The following ACSL1 variants were observed in gnomAD, a reference collection of about 807,000 sequenced individuals.
The protein encoded by ACSL1 is acyl-CoA synthetase long chain family member 1.
A neutral mutation model predicts 98.4 loss-of-function variants in ACSL1; 41 were observed. That is an observed-to-expected ratio of 0.42 (90% CI 0.32 to 0.54). ACSL1 has a LOEUF of 0.54. Among genes scored for constraint, ACSL1 ranks in the 20% least tolerant of loss-of-function variants. The pLI, the probability that ACSL1 is intolerant of heterozygous loss-of-function variation, is 0.13. For synonymous variants in ACSL1, 316 were observed against 322.7 expected, an observed-to-expected ratio of 0.98 and a Z score of 0.22; for missense variants, 734 against 883.1, an observed-to-expected ratio of 0.83 and a Z score of 2.14.
At chr4:184,798,427 A>G (rs1220049305) in intron 2 of ACSL1, 1 of 153,102 alleles carries the variant, frequency 6.5e-6, no homozygotes, top group South Asian at 2.1e-4. Flanking sequence ...TAATTTGACA[A>G]GTCAGTCATC....
At chr4:184,811,306 G>GA (rs1228096844) in intron 1 of ACSL1, among the ~76,000 whole-genome samples, 2 of 151,934 alleles carry the variant, frequency 1.3e-5, no homozygotes, top group African/African-American at 4.8e-5. Context: ...TAGAGACGGG[G>GA]TTTCACCGTG....
chr4:184,812,306 C>A (rs923081762), intron 1 of ACSL1: 49 of 869,606 alleles, frequency 5.6e-5, no homozygotes, highest in Non-Finnish European at 6.6e-5. Context: ...TCATGAATGA[C>A]CCTCTGTGAT....
intron 1 of ACSL1, chr4:184,813,578 C>T (rs181081264): frequency 3.5e-4 from 87 of 249,066 alleles, no homozygotes; most frequent in African/African-American, 1.7e-3. Context: ...TCTCTATGAC[C>T]GCAAGTTGAA....
chr4:184,776,658 T>C lies in ACSL1; in HGVS notation c.582A>G (p.Glu194=), dbSNP rs1471895421. 4.3e-6 allele frequency: 7 copies of C among 1,609,854 alleles called. No individual in the cohort carries two copies. Among genetic ancestry groups the C allele is most frequent in the South Asian group, 1.1e-5 (1 of 90,996 alleles). Reference sequence around the variant, plus strand: ...GCTTGTCAACAAAAACCAGAGAGAGTTCAGCTGTAAATGAAGAGATACAAT... The same window carrying C: ...GCTTGTCAACAAAAACCAGAGAGAGCTCAGCTGTAAATGAAGAGATACAAT... ...EAITYIVNKA[E]LSLVFVDKPE... The change falls in exon 7 of 21, where the codon GAA becomes GAG. Residue 194 remains glutamate, a synonymous_variant. Transcript: ENST00000281455.
chr4:184,762,996 G>C (rs1485171398), intron 16 of ACSL1, among the ~76,000 whole-genome samples, 171 bp downstream of exon 16: 1 of 152,086 alleles, frequency 6.6e-6, no homozygotes, highest in Non-Finnish European at 1.5e-5. Flanking sequence ...CCCACTCCCC[G>C]AGAGCTGAAC....
At chr4:184,820,947 G>A (rs1043869522) in intron 1 of ACSL1, 3 of 445,862 alleles carry the variant, frequency 6.7e-6, no homozygotes, top group South Asian at 1.6e-5. Context: ...GTAGAGCCCA[G>A]CAATTAGGAG....
Position 184,756,404 on chromosome 4 carries a change from G to C in ACSL1, c.*721C>G, listed in dbSNP as rs1561163833. Reference sequence around the variant, plus strand: ...ATCAGGCCTGGAGAACCGAGTCCAAGAGCATTCTGCCATGAAAGAGAATCC... The same window carrying C: ...ATCAGGCCTGGAGAACCGAGTCCAACAGCATTCTGCCATGAAAGAGAATCC... On this transcript the variant is annotated 3_prime_UTR_variant, in exon 21 of 21. Transcript: ENST00000281455. 1 of 152,610 alleles carries C rather than the reference G, an allele frequency of 6.6e-6. No individual in the cohort carries two copies. Among genetic ancestry groups the C allele is most frequent in the Non-Finnish European group, 1.5e-5 (1 of 68,032 alleles). 9.5% of individuals were successfully genotyped at this position (152,610 alleles called of 1,614,324 possible).
At chr4:184,760,739 G>A (rs528219651) in intron 17 of ACSL1, among the ~76,000 whole-genome samples, 38 of 152,282 alleles carry the variant, frequency 2.5e-4, no homozygotes, top group African/African-American at 8.7e-4. Context: ...CCTAGAGCCC[G>A]TGCTTATTCA....
At chr4:184,787,969 T>C (rs2150376651) in intron 3 of ACSL1, among the ~76,000 whole-genome samples, 1 of 152,084 alleles carries the variant, frequency 6.6e-6, no homozygotes, top group South Asian at 2.1e-4. Context: ...GAAGTTTGAG[T>C]CCAGCCTGGG....
At chr4:184,771,777 G>A (rs915387981) in intron 10 of ACSL1, among the ~76,000 whole-genome samples, 1 of 152,106 alleles carries the variant, frequency 6.6e-6, no homozygotes. Context: ...TCCTAAAGCT[G>A]GGTCACCCTT....
At chr4:184,816,128 A>G (rs1772612904) in intron 1 of ACSL1, among the ~76,000 whole-genome samples, 1 of 152,092 alleles carries the variant, frequency 6.6e-6, no homozygotes, top group African/African-American at 2.4e-5. Context: ...AAGAAAAAAA[A>G]AAAAGCAGAC....
At chr4:184,783,756 C>T (rs536958857) in intron 4 of ACSL1, among the ~76,000 whole-genome samples, 171 bp downstream of exon 4, 3 of 152,328 alleles carry the variant, frequency 2.0e-5, no homozygotes, top group Non-Finnish European at 4.4e-5. Flanking sequence ...TTAACTTGTT[C>T]TCCCCAAACC....
At position 184,757,034 on chromosome 4, in the gene ACSL1, C is replaced by G; in HGVS notation, c.*91G>C. The stretch of plus-strand genomic sequence containing the variant: ...AAACACGAACGCTTCCTTCCCTACA[C>G]TTGCTGTATTCAAAATTAACAACAT... On this transcript the variant is annotated 3_prime_UTR_variant, in exon 21 of 21. Coordinates refer to ENST00000281455, the MANE Select transcript of ACSL1 (RefSeq NM_001995.5). The surrounding 1 kb of genome is among the most constrained non-coding windows in gnomAD (Gnocchi z 4.5). 7.0e-7 allele frequency: 1 copy of G among 1,431,250 alleles called. No individual in the cohort carries two copies. The allele number at this position is 1,431,250 out of a possible 1,614,324, so 88.7% of individuals were successfully genotyped here.
intron 5 of ACSL1, among the ~76,000 whole-genome samples, 171 bp downstream of exon 5, chr4:184,780,161 T>C (rs1441086564): frequency 6.6e-6 from 1 of 152,150 alleles, no homozygotes; most frequent in Non-Finnish European, 1.5e-5. Context: ...CGTGAGCCAC[T>C]GTGCCCAGCG....
chr4:184,772,799 T>C (rs1311809336), intron 10 of ACSL1, among the ~76,000 whole-genome samples: 1 of 152,218 alleles, frequency 6.6e-6, no homozygotes, highest in Non-Finnish European at 1.5e-5. Context: ...TTCTTGGACA[T>C]GTTTCTAGGG....
chr4:184,826,087 C>CCGGCCCCACCCTCCCG, upstream of ACSL1: 1 of 144,852 alleles, frequency 6.9e-6, no homozygotes, highest in East Asian at 2.1e-4. Flanking sequence ...GCTCGCCGCG[C>CCGGCCCCACCCTCCCG]CGGCCCCGCC....
intron 5 of ACSL1, among the ~76,000 whole-genome samples, chr4:184,778,707 T>C (rs1001897874): frequency 6.6e-6 from 1 of 152,144 alleles, no homozygotes; most frequent in Non-Finnish European, 1.5e-5. Flanking sequence ...GTCTGACATA[T>C]AGTGGGTGCT....
Position 184,757,650 on chromosome 4 carries a change from C to G in ACSL1, c.1941G>C (p.Leu647=). The change falls in exon 20 of 21, where the codon CTG becomes CTC. Residue 647 remains leucine (L), a synonymous_variant. Transcript: ENST00000281455. This position sits in a 1 kb window ranked among gnomAD's most constrained non-coding sequence, Gnocchi z 4.5. The part of the protein sequence containing the change: ...DMVRLGKDSG[L]KPFEQVKGIT... ...AAGGTCATACCTGTTCAAATGGTTT[C>G]AGACCAGAATCCTTCCCAAGTCTCA... 3.1e-6 allele frequency: 5 copies of G among 1,613,914 alleles called. No homozygotes were observed. The highest frequency in any genetic ancestry group is 4.2e-6 in the Non-Finnish European group (5 of 1,179,956).
chr4:184,776,174 T>G (rs1765256292), intron 7 of ACSL1, among the ~76,000 whole-genome samples: 1 of 152,176 alleles, frequency 6.6e-6, no homozygotes, highest in African/African-American at 2.4e-5. Context: ...ACACAGAAAC[T>G]GAAAGTTCCA....
Sources: gnomAD v4.1 joint callset for allele counts (sites outside exome capture counted in the v4.1 genomes callset) on GRCh38, gnomAD v4.1.1 for gene constraint, Gnocchi (gnomAD v3.1) non-coding constraint, MANE v1.5 for transcripts, NCBI Gene and HGNC (gene_info 2026-07-23, HGNC 2026-07-21) for gene names.